Variants in SCG5 observed in about 807,000 individuals in gnomAD.
The protein encoded by SCG5 is secretogranin V.
In SCG5, 18 loss-of-function variants were observed where a neutral mutation model predicts 25.7. The observed-to-expected ratio is 0.70, with a 90% CI of 0.48 to 1.04. The LOEUF is 1.04. Ranked by LOEUF, SCG5 falls within the 50% of genes least tolerant of loss-of-function variation. The probability of loss-of-function intolerance (pLI) is 0.00; values close to 1 mark genes in which losing one functional copy is unlikely to be tolerated. For synonymous variants in SCG5, 101 were observed against 91.7 expected, an observed-to-expected ratio of 1.10 and a Z score of -0.58; for missense variants, 206 against 259.8, an observed-to-expected ratio of 0.79 and a Z score of 1.42.
chr15:32,671,952 C>T (rs2054433725), intron 2 of SCG5, among the ~76,000 whole-genome samples: 1 of 152,216 alleles, frequency 6.6e-6, no homozygotes. Flanking sequence ...CGGGCGCTCT[C>T]GCGCTGGCAC....
chr15:32,643,962 C>T, intron 2 of SCG5, 144 bp downstream of exon 2: 1 of 679,194 alleles, frequency 1.5e-6, no homozygotes, highest in Non-Finnish European at 2.5e-6. Context: ...AGAGACTCTA[C>T]TTTCTCATGG....
rs2053897588 is a variant in SCG5, at chr15:32,643,493, G to A, written c.-7-93G>A. The stretch of plus-strand genomic sequence containing the variant: ...TACAACCCCTTTCTGGGTGGTCCTC[G>A]AACCACAACCTGGAGTGGTTGCATC... On this transcript the variant is annotated intron_variant, in intron 1 of 5. Transcript: ENST00000300175. 63 of 1,063,244 alleles carry A rather than the reference G, an allele frequency of 5.9e-5. No homozygotes were observed. The South Asian group carries it at 7.0e-4, about 12-fold the overall frequency. The allele number at this position is 1,063,244 out of a possible 1,614,324, so 65.9% of individuals were successfully genotyped here.
chr15:32,650,343 C>T (rs553645934), intron 2 of SCG5, among the ~76,000 whole-genome samples: 5 of 152,304 alleles, frequency 3.3e-5, no homozygotes, highest in East Asian at 3.9e-4. Context: ...CCTCGTGATC[C>T]GCCCATCTCG....
chr15:32,644,381 G>A (rs1268538246), intron 2 of SCG5, among the ~76,000 whole-genome samples: 3 of 152,136 alleles, frequency 2.0e-5, no homozygotes, highest in Admixed American at 6.5e-5. Flanking sequence ...AAGAGTTTAC[G>A]TGAAAGCTTT....
At chr15:32,663,128 A>G (rs901316231) in intron 2 of SCG5, among the ~76,000 whole-genome samples, 5 of 147,478 alleles carry the variant, frequency 3.4e-5, no homozygotes, top group African/African-American at 5.0e-5. Context: ...ATACATATAT[A>G]ACATATATAA....
chr15:32,691,029 T>C (rs889792492), intron 4 of SCG5, among the ~76,000 whole-genome samples: 6 of 152,050 alleles, frequency 3.9e-5, no homozygotes, highest in African/African-American at 1.2e-4. Context: ...ATGTGTCTGA[T>C]ATTCTAGAGC....
chr15:32,645,473 A>G (rs1383205260), intron 2 of SCG5, among the ~76,000 whole-genome samples: 2 of 152,348 alleles, frequency 1.3e-5, no homozygotes, highest in East Asian at 3.9e-4. Flanking sequence ...AAGTGGGGAC[A>G]CACATCAAAA....
intron 5 of SCG5, among the ~76,000 whole-genome samples, chr15:32,693,708 T>A (rs2054904964): frequency 6.6e-6 from 1 of 152,364 alleles, no homozygotes; most frequent in Non-Finnish European, 1.5e-5. Context: ...CCAGTGGTTC[T>A]TCCAGTTGTG....
intron 2 of SCG5, among the ~76,000 whole-genome samples, chr15:32,662,195 T>C (rs2054231345): frequency 6.6e-6 from 1 of 152,184 alleles, no homozygotes; most frequent in South Asian, 2.1e-4. Flanking sequence ...TCTTGATAAA[T>C]TCTCTGGGGT....
intron 2 of SCG5, among the ~76,000 whole-genome samples, chr15:32,673,984 G>T (rs577625212): frequency 4.6e-5 from 7 of 152,166 alleles, no homozygotes; most frequent in Admixed American, 2.0e-4. Context: ...CTCCCAAAGT[G>T]CTGGCATTAT....
At chr15:32,669,924 A>G (rs1287427493) in intron 2 of SCG5, among the ~76,000 whole-genome samples, 2 of 152,260 alleles carry the variant, frequency 1.3e-5, no homozygotes, top group East Asian at 3.8e-4. Flanking sequence ...TGCTTAAGCA[A>G]AATACCTTAA....
intron 2 of SCG5, among the ~76,000 whole-genome samples, chr15:32,644,765 C>T (rs1004953013): frequency 6.6e-5 from 10 of 152,210 alleles, no homozygotes; most frequent in Middle Eastern, 3.4e-3. Flanking sequence ...GGAGTGGGTC[C>T]GAAGGAAAAT....
At chr15:32,644,626 A>G (rs1460864453) in intron 2 of SCG5, among the ~76,000 whole-genome samples, 1 of 152,158 alleles carries the variant, frequency 6.6e-6, no homozygotes, top group Non-Finnish European at 1.5e-5. Context: ...CCTTATTTCC[A>G]TGCTTTGCTT....
chr15:32,684,654 A>C lies in SCG5; in HGVS notation c.474A>C (p.Pro158=). 6.2e-7 allele frequency: 1 copy of C among 1,612,742 alleles called. No individual in the cohort carries two copies. Among genetic ancestry groups the C allele is most frequent in the Non-Finnish European group, 8.5e-7 (1 of 1,178,968 alleles). Residue 158 remains proline (P), a synonymous_variant, in exon 4 of 6, where the codon CCA becomes CCC. Coordinates refer to ENST00000300175, the MANE Select transcript of SCG5 (RefSeq NM_001144757.3). ...TCTTTGATCCGGAACATGACTATCC[A>C]GGCTTGGGCAAGTGGGTAAGTCCTA... ...QHLFDPEHDY[P]GLGKWNKKLL...
chr15:32,644,035 T>C (rs543332657), intron 2 of SCG5, among the ~76,000 whole-genome samples: 25 of 152,362 alleles, frequency 1.6e-4, no homozygotes, highest in African/African-American at 6.0e-4. Flanking sequence ...CATGAGACTA[T>C]AAGTCCTGTG....
At chr15:32,671,946 C>T (rs2054433645) in intron 2 of SCG5, among the ~76,000 whole-genome samples, 1 of 152,180 alleles carries the variant, frequency 6.6e-6, no homozygotes, top group South Asian at 2.1e-4. Flanking sequence ...TCTCCTCGGG[C>T]GCTCTCGCGC....
chr15:32,684,405 G>T, intron 3 of SCG5, 152 bp from the exon 4 acceptor site: 3 of 613,682 alleles, frequency 4.9e-6, no homozygotes, highest in East Asian at 5.6e-5. Context: ...TATCTAACTG[G>T]ATCCTAGAGG....
At chr15:32,692,065 G>A in intron 5 of SCG5, 2 of 1,224,704 alleles carry the variant, frequency 1.6e-6, no homozygotes, top group Non-Finnish European at 2.0e-6. Context: ...ATATCTGGGG[G>A]GACATGAGGG....
chr15:32,694,481 C>A (rs2054919108), intron 5 of SCG5, among the ~76,000 whole-genome samples: 1 of 152,174 alleles, frequency 6.6e-6, no homozygotes, highest in South Asian at 2.1e-4. Context: ...TACTATTGAT[C>A]TTATTTAAAC....
Sources: gnomAD v4.1 joint callset for allele counts (sites outside exome capture counted in the v4.1 genomes callset) on GRCh38, gnomAD v4.1.1 for gene constraint, MANE v1.5 for transcripts, NCBI Gene and HGNC (gene_info 2026-07-23, HGNC 2026-07-21) for gene names.